BCAS3: variants seen among roughly 807,000 people sequenced by gnomAD.
The protein encoded by BCAS3 is BCAS4/BCAS3 fusion.
Under a neutral mutation model 116.1 loss-of-function variants are expected in BCAS3, and 53 were observed. The ratio of observed to expected loss-of-function variants is 0.46; its 90% confidence interval spans 0.37 to 0.57. BCAS3 has a LOEUF of 0.57. BCAS3 is among the 20% of genes least tolerant of loss of function. BCAS3 has a pLI of 0.00. For missense variants in BCAS3, 917 were observed against 1,165.4 expected, an observed-to-expected ratio of 0.79 and a Z score of 3.10; for synonymous variants, 391 against 408.2, an observed-to-expected ratio of 0.96 and a Z score of 0.51.
intron 4 of BCAS3, among the ~76,000 whole-genome samples, chr17:60,700,925 C>T (rs1389156291): frequency 6.6e-6 from 1 of 151,952 alleles, no homozygotes; most frequent in Non-Finnish European, 1.5e-5. Flanking sequence ...TTGTGAATAA[C>T]CCAATTAAGG....
rs1243018630 is a variant in BCAS3, at chr17:60,995,358, G to GC, written c.1486+5123_1486+5124insC. Among the ~76,000 whole-genome samples, 1 of 152,094 alleles carries GC rather than the reference G, an allele frequency of 6.6e-6. No individual in the cohort carries two copies. The highest frequency in any genetic ancestry group is 1.5e-5 in the Non-Finnish European group (1 of 68,022). ...AGTGGAGACAAGGTTTCACTCTGTT[G>GC]GCCAGGCTGGTCTTGAACTCCTGAC... On this transcript the variant is annotated intron_variant, in intron 15 of 23. Transcript: ENST00000407086. This position sits in a 1 kb window ranked among gnomAD's most constrained non-coding sequence, Gnocchi z 4.7.
chr17:60,941,244 TC>T (rs1280532108), intron 13 of BCAS3, among the ~76,000 whole-genome samples: 1 of 152,200 alleles, frequency 6.6e-6, no homozygotes, highest in Non-Finnish European at 1.5e-5. Flanking sequence ...TTCCTTGTAT[TC>T]CCAGATGACG....
At chr17:60,870,807 C>A (rs2055033803) in intron 8 of BCAS3, among the ~76,000 whole-genome samples, 1 of 152,110 alleles carries the variant, frequency 6.6e-6, no homozygotes, top group South Asian at 2.1e-4. Flanking sequence ...AGAAAAAACT[C>A]AAGTCTTGAC....
intron 2 of BCAS3, among the ~76,000 whole-genome samples, chr17:60,680,750 C>T (rs1413504237): frequency 6.6e-6 from 1 of 151,952 alleles, no homozygotes; most frequent in African/African-American, 2.4e-5. Flanking sequence ...CAGATTCAAG[C>T]GATTCTCCTG....
Position 61,171,737 on chromosome 17 carries a change from C to T in BCAS3, c.2425+87173C>T, listed in dbSNP as rs531721368. Among the ~76,000 whole-genome samples, 4 of 152,116 alleles carry T rather than the reference C, an allele frequency of 2.6e-5. No homozygotes were observed. In the East Asian group the frequency reaches 7.7e-4, roughly 29 times the overall value. On this transcript the variant is annotated intron_variant, in intron 22 of 23. Coordinates refer to ENST00000407086, the MANE Select transcript of BCAS3 (RefSeq NM_017679.5). The surrounding 1 kb of genome is among the most constrained non-coding windows in gnomAD (Gnocchi z 4.1). Reference sequence around the variant, plus strand: ...CTGGGCTCAAGTCATCCTCCTGCTTCAGCCTCCTGAGTAGCTGGGATTTCA... The same window carrying T: ...CTGGGCTCAAGTCATCCTCCTGCTTTAGCCTCCTGAGTAGCTGGGATTTCA...
chr17:61,003,372 GCCCTCCCCTCCCCTC>G (rs748637308), intron 15 of BCAS3, among the ~76,000 whole-genome samples: 12 of 118,096 alleles, frequency 1.0e-4, no homozygotes, highest in South Asian at 2.7e-4. Context: ...CTTTTATTAT[GCCCTCCCCTCCCCTC>G]CCCTCCCCTC....
In BCAS3 at chr17:61,302,165, A is replaced by T. The variant is rs2053502965; in HGVS notation, c.2426-66162A>T. On this transcript the variant is annotated intron_variant, in intron 22 of 23. Transcript: ENST00000407086. The surrounding 1 kb of genome is among the most constrained non-coding windows in gnomAD (Gnocchi z 4.4). The stretch of plus-strand genomic sequence containing the variant: ...TTGCCATGCCAGGAGAAAGAGCCAA[A>T]AACTCCCCCCTCCCCCGACTCCCAG... Among the ~76,000 whole-genome samples, 1 of 151,944 alleles carries T rather than the reference A, an allele frequency of 6.6e-6. No homozygotes were observed. The highest frequency in any genetic ancestry group is 1.5e-5 in the Non-Finnish European group (1 of 68,002).
At chr17:61,015,456 T>A (rs1300874810) in intron 15 of BCAS3, among the ~76,000 whole-genome samples, 3 of 152,088 alleles carry the variant, frequency 2.0e-5, no homozygotes, top group Non-Finnish European at 4.4e-5. Flanking sequence ...ACTCAGCTAA[T>A]TTTTGATATT....
At chr17:60,777,491 T>G (rs1462641354) in intron 6 of BCAS3, among the ~76,000 whole-genome samples, 1 of 151,334 alleles carries the variant, frequency 6.6e-6, no homozygotes, top group Non-Finnish European at 1.5e-5. Context: ...CCGGGTGTGG[T>G]GGTGGGCGCC....
intron 16 of BCAS3, among the ~76,000 whole-genome samples, chr17:61,018,588 C>T (rs1427655421): frequency 6.6e-6 from 1 of 152,114 alleles, no homozygotes; most frequent in African/African-American, 2.4e-5. Context: ...AGGCATGAGC[C>T]ACCACGCCCG....
intron 11 of BCAS3, among the ~76,000 whole-genome samples, chr17:60,910,286 A>G (rs1219385742): frequency 2.0e-5 from 3 of 152,186 alleles, no homozygotes; most frequent in Admixed American, 1.3e-4. Flanking sequence ...TTTTTTAACT[A>G]TGGCTTTATG....
chr17:61,078,476 G>A lies in BCAS3; in HGVS notation c.2274G>A (p.Thr758=), dbSNP rs371269461. The stretch of plus-strand genomic sequence containing the variant: ...TGCAGTCTCATGGTCCGAGTGACAC[G>A]CCACAGCCTCTTTTGGATTTTGATA... ...SVLQSHGPSD[T]PQPLLDFDTD... is the part of the protein sequence containing the mutation. Residue 758 remains threonine (T), a synonymous_variant, in exon 21 of 24, where the codon ACG becomes ACA. Transcript: ENST00000407086. The A allele has an allele frequency of 1.5e-5, 24 of 1,614,004 alleles. No homozygotes were observed. Among genetic ancestry groups the A allele is most frequent in the African/African-American group, 2.7e-5 (2 of 74,912 alleles).
chr17:60,712,044 A>G (rs1406720941), intron 5 of BCAS3, among the ~76,000 whole-genome samples: 1 of 152,154 alleles, frequency 6.6e-6, no homozygotes, highest in East Asian at 1.9e-4. Flanking sequence ...ACATGTCTGT[A>G]GTCCCAGCTA....
At chr17:60,910,770 CA>C (rs925078680) in intron 12 of BCAS3, 68 bp downstream of exon 12, 2 of 1,373,488 alleles carry the variant, frequency 1.5e-6, no homozygotes, top group East Asian at 2.6e-5. Flanking sequence ...CAAGATTAGT[CA>C]AAATGTATTT....
At position 61,344,542 on chromosome 17, in the gene BCAS3, G is replaced by A. The variant is rs537667897; in HGVS notation, c.2426-23785G>A. On this transcript the variant is annotated intron_variant, in intron 22 of 23. Coordinates refer to ENST00000407086, the MANE Select transcript of BCAS3 (RefSeq NM_017679.5). The surrounding 1 kb of genome is among the most constrained non-coding windows in gnomAD (Gnocchi z 4.1). Reference sequence around the variant, plus strand: ...TAGATGATATCTCTGCCCCCATGGGGCTTATATTCTAGAGGAGGAAACAGC... The same window carrying A: ...TAGATGATATCTCTGCCCCCATGGGACTTATATTCTAGAGGAGGAAACAGC... 4.6e-5 allele frequency among the ~76,000 whole-genome samples: 7 copies of A among 152,338 alleles called. No individual in the cohort carries two copies. In the East Asian group the frequency reaches 1.4e-3, roughly 29 times the overall value.
chr17:61,197,357 G>A (rs1004392905), intron 22 of BCAS3, among the ~76,000 whole-genome samples: 1 of 152,170 alleles, frequency 6.6e-6, no homozygotes, highest in East Asian at 1.9e-4. Context: ...TTAAGGAAAA[G>A]CTTACATAAT....
rs2076851049 is a variant in BCAS3 at position 61,140,323 on chromosome 17, G to A, written c.2425+55759G>A. 6.6e-6 allele frequency among the ~76,000 whole-genome samples: 1 copy of A among 152,210 alleles called. No homozygotes were observed. The highest frequency in any genetic ancestry group is 6.5e-5 in the Admixed American group (1 of 15,280). On this transcript the variant is annotated intron_variant, in intron 22 of 23. Transcript: ENST00000407086. This position sits in a 1 kb window ranked among gnomAD's most constrained non-coding sequence, Gnocchi z 4.2. ...AGTTTGCTTTGAATATATAGCAAAG[G>A]ATATGTGAGGGATAGCTGTGGAAGA...
intron 11 of BCAS3, among the ~76,000 whole-genome samples, chr17:60,906,405 G>C (rs947161905): frequency 2.0e-5 from 3 of 152,118 alleles, no homozygotes; most frequent in African/African-American, 4.8e-5. Context: ...ATTGCTGTAG[G>C]TGGACTCTTC....
At position 61,078,619 on chromosome 17, in the gene BCAS3, T is replaced by A. The variant is rs943620849; in HGVS notation, c.2327+90T>A. 4 of 1,148,546 alleles carry A rather than the reference T, an allele frequency of 3.5e-6. No homozygotes were observed. In the Admixed American group the frequency reaches 7.2e-5, roughly 21 times the overall value. The allele number at this position is 1,148,546 out of a possible 1,614,324, so 71.1% of individuals were successfully genotyped here. A position where few individuals can be genotyped will look rare whatever the true frequency, so the allele number is the denominator to read the frequency against. ...TCATATGTAATATTTAGGTTTCCCC[T>A]TTTGGCACAGTATCATGTTGCAGAC... On this transcript the variant is annotated intron_variant, in intron 21 of 23. Transcript: ENST00000407086.
Sources: gnomAD v4.1 joint callset for allele counts (sites outside exome capture counted in the v4.1 genomes callset) on GRCh38, gnomAD v4.1.1 for gene constraint, Gnocchi (gnomAD v3.1) non-coding constraint, MANE v1.5 for transcripts, NCBI Gene and HGNC (gene_info 2026-07-23, HGNC 2026-07-21) for gene names.